LIMS1: variants seen among roughly 807,000 people sequenced by gnomAD.
The protein encoded by LIMS1 is LIM zinc finger domain containing 1.
Under a neutral mutation model 44.1 loss-of-function variants are expected in LIMS1, and 18 were observed. The ratio of observed to expected loss-of-function variants is 0.41; its 90% CI spans 0.28 to 0.61. The LOEUF is 0.61. LIMS1 is among the 20% of genes least tolerant of loss of function. The pLI is 0.32. For synonymous variants in LIMS1, 93 were observed against 149.1 expected (o/e 0.62, Z 2.74); for missense variants, 201 against 422.0 (o/e 0.48, Z 4.59).
chr2:108,583,974 G>A lies in LIMS1; in HGVS notation c.32+49380G>A, dbSNP rs568993175. Among the ~76,000 whole-genome samples, 126 of 152,064 alleles carry A rather than the reference G, an allele frequency of 8.3e-4. 1 individual carries two copies. Among genetic ancestry groups the A allele is most frequent in the Non-Finnish European group, 1.1e-3 (75 of 68,004 alleles). ...CTCCCAAAGTGCTGAGATTACAGGC[G>A]TGAACCACTGCACCTGGCTGTTGTT... On this transcript the variant is annotated intron_variant, in intron 1 of 9. Transcript: ENST00000544547.
chr2:108,650,345 AATAAG>A lies in LIMS1; in HGVS notation c.33-9254_33-9250del, dbSNP rs1472581887. Among the ~76,000 whole-genome samples, 30 of 152,222 alleles carry A rather than the reference AATAAG, an allele frequency of 2.0e-4. 1 individual carries two copies. The highest frequency in any genetic ancestry group is 1.8e-3 in the Admixed American group (28 of 15,282). ...TTTTAGCTTTACTCTGTTGTAGCTA[AATAAG>A]ATAAGTGACTGCAGGTAGTCTTTTT... On this transcript the variant is annotated intron_variant, in intron 1 of 9. Transcript: ENST00000544547.
intron 1 of LIMS1, among the ~76,000 whole-genome samples, chr2:108,564,157 A>G (rs1040177417): frequency 3.3e-5 from 5 of 152,128 alleles, no homozygotes; most frequent in Admixed American, 6.5e-5. Flanking sequence ...ATCAGTCAGC[A>G]GTTGTCAACA....
intron 1 of LIMS1, among the ~76,000 whole-genome samples, chr2:108,637,005 C>T (rs1689302978): frequency 6.6e-6 from 1 of 151,906 alleles, no homozygotes; most frequent in South Asian, 2.1e-4. Flanking sequence ...GTTATGGTAG[C>T]TGAAATAATC....
Position 108,550,684 on chromosome 2 carries a change from C to T in LIMS1, c.32+16090C>T, listed in dbSNP as rs543708240. Among the ~76,000 whole-genome samples, 244 of 150,900 alleles carry T rather than the reference C, an allele frequency of 1.6e-3. 3 individuals carry two copies. Among genetic ancestry groups the T allele is most frequent in the Non-Finnish European group, 1.4e-3 (96 of 67,642 alleles). On this transcript the variant is annotated intron_variant, in intron 1 of 9. Transcript: ENST00000544547. ...CAAAAAAATTAGTCGGGCGTCGTGG[C>T]GGGTGCCTGTAGTCCCAGTTACTCG...
At chr2:108,628,171 C>G (rs1688688599) in intron 1 of LIMS1, among the ~76,000 whole-genome samples, 1 of 152,240 alleles carries the variant, frequency 6.6e-6, no homozygotes, top group Non-Finnish European at 1.5e-5. Context: ...TTCACCACAG[C>G]TCTGGTCACT....
intron 1 of LIMS1, among the ~76,000 whole-genome samples, chr2:108,564,671 G>A (rs188781159): frequency 1.4e-4 from 22 of 152,198 alleles, no homozygotes; most frequent in African/African-American, 3.9e-4. Context: ...ATATAAACCC[G>A]TTAGCTCAGT....
At chr2:108,635,644 GA>G (rs34691824) in intron 1 of LIMS1, among the ~76,000 whole-genome samples, 51,318 of 151,308 alleles carry the variant, frequency 0.34, 9,332 homozygotes, top group Middle Eastern at 0.52. Context: ...AGGTTTCGGT[GA>G]ACTGAGACCG....
At chr2:108,677,919 G>A (rs532581163) in intron 7 of LIMS1, 60 bp from the exon 8 acceptor site, 1 of 1,525,778 alleles carries the variant, frequency 6.6e-7, no homozygotes, top group Non-Finnish European at 8.9e-7. Flanking sequence ...ATTTTTAAAT[G>A]TTCAGTGTTC....
At chr2:108,634,950 T>G (rs1689136296) in intron 1 of LIMS1, among the ~76,000 whole-genome samples, 1 of 152,184 alleles carries the variant, frequency 6.6e-6, no homozygotes, top group South Asian at 2.1e-4. Flanking sequence ...TGGGTGTGTG[T>G]CCCTGTTTGC....
intron 1 of LIMS1, among the ~76,000 whole-genome samples, chr2:108,569,664 C>G (rs1398328483): frequency 6.6e-6 from 1 of 151,534 alleles, no homozygotes; most frequent in Non-Finnish European, 1.5e-5. Flanking sequence ...TGGTATAATC[C>G]TACTTCACTA....
intron 1 of LIMS1, among the ~76,000 whole-genome samples, chr2:108,572,635 C>T (rs1424123403): frequency 2.6e-5 from 4 of 152,064 alleles, no homozygotes; most frequent in East Asian, 1.9e-4. Flanking sequence ...CCACCCGCCT[C>T]GGCCTCCCAA....
chr2:108,553,870 A>T (rs1450298386), intron 1 of LIMS1, among the ~76,000 whole-genome samples: 1 of 152,176 alleles, frequency 6.6e-6, no homozygotes, highest in African/African-American at 2.4e-5. Context: ...TATGGGGAAA[A>T]CTGGGATTAC....
At chr2:108,583,839 C>T (rs1220056796) in intron 1 of LIMS1, among the ~76,000 whole-genome samples, 4 of 151,782 alleles carry the variant, frequency 2.6e-5, no homozygotes, top group African/African-American at 4.8e-5. Context: ...GGACCACAGG[C>T]GCCCACCACC....
chr2:108,599,445 G>A (rs1686885085), intron 1 of LIMS1, among the ~76,000 whole-genome samples: 1 of 152,094 alleles, frequency 6.6e-6, no homozygotes, highest in Non-Finnish European at 1.5e-5. Flanking sequence ...CTCATCTGTT[G>A]ATGGACATTT....
intron 1 of LIMS1, among the ~76,000 whole-genome samples, chr2:108,641,876 T>C (rs911750873): frequency 6.6e-6 from 1 of 152,234 alleles, no homozygotes; most frequent in African/African-American, 2.4e-5. Flanking sequence ...TTCTAGAAGC[T>C]ACAAAATGGG....
chr2:108,594,167 A>G (rs1034508176), intron 1 of LIMS1, among the ~76,000 whole-genome samples: 1 of 152,200 alleles, frequency 6.6e-6, no homozygotes, highest in East Asian at 1.9e-4. Context: ...TGGTAGGAGT[A>G]AAAAATTCAG....
Position 108,617,846 on chromosome 2 carries a change from A to T in LIMS1, c.33-41759A>T, listed in dbSNP as rs1385894298. ...CTGGAGTCCAGTCCTCTCAGCTGGG[A>T]TGGGGGTGTGAGATCTGCTGGAGTC... On this transcript the variant is annotated intron_variant, in intron 1 of 9. Coordinates refer to ENST00000544547, the Ensembl canonical transcript of LIMS1. Among the ~76,000 whole-genome samples, 10 of 152,264 alleles carry T rather than the reference A, an allele frequency of 6.6e-5. No individual in the cohort carries two copies. The South Asian group carries it at 2.1e-3, about 32-fold the overall frequency.
At chr2:108,566,797 A>G (rs753960695) in intron 1 of LIMS1, among the ~76,000 whole-genome samples, 8 of 152,060 alleles carry the variant, frequency 5.3e-5, no homozygotes, top group Admixed American at 2.6e-4. Flanking sequence ...GGGTTTCGCC[A>G]TGTTGGCCAG....
At chr2:108,684,086 A>ACTGCTTTGAGATAT in exon 10 of LIMS1, 1 of 682,992 alleles carries the variant, frequency 1.5e-6, no homozygotes, top group Non-Finnish European at 2.5e-6. Flanking sequence ...CTATATCTCA[A>ACTGCTTTGAGATAT]AGCAGTTGAG....
Sources: gnomAD v4.1 joint callset for allele counts (sites outside exome capture counted in the v4.1 genomes callset) on GRCh38, gnomAD v4.1.1 for gene constraint, MANE v1.5 for transcripts, NCBI Gene and HGNC (gene_info 2026-07-23, HGNC 2026-07-21) for gene names.